The following PDE4D variants were observed in gnomAD, a reference collection of about 807,000 sequenced individuals.
PDE4D encodes 3',5'-cyclic-AMP phosphodiesterase 4D.
PDE4D carries 24 observed loss-of-function variants against 87.4 expected under a neutral mutation model. That is an observed-to-expected ratio of 0.27 (90% confidence interval 0.20 to 0.39). PDE4D has a LOEUF of 0.39. Ranked by LOEUF, PDE4D falls within the 10% of genes least tolerant of loss-of-function variation. The probability of loss-of-function intolerance (pLI) is 1.00; values close to 1 mark genes in which losing one functional copy is unlikely to be tolerated. For synonymous variants in PDE4D, 384 were observed against 383.2 expected, an observed-to-expected ratio of 1.00 and a Z score of -0.02; for missense variants, 714 against 1,041.0, an observed-to-expected ratio of 0.69 and a Z score of 4.32.
intron 1 of PDE4D, among the ~76,000 whole-genome samples, chr5:59,513,128 T>C (rs142710871): frequency 3.3e-3 from 496 of 152,268 alleles, no homozygotes; most frequent in African/African-American, 0.011. Flanking sequence ...TAATCAATGA[T>C]TGAATAGTGA....
intron 2 of PDE4D, among the ~76,000 whole-genome samples, chr5:60,132,995 T>C (rs1779717460): frequency 6.6e-6 from 1 of 152,220 alleles, no homozygotes; most frequent in African/African-American, 2.4e-5. Flanking sequence ...AACCATAGTG[T>C]AGTCCATTGC....
At chr5:59,963,788 CAG>C (rs1367329183) in intron 3 of PDE4D, among the ~76,000 whole-genome samples, 1 of 152,072 alleles carries the variant, frequency 6.6e-6, no homozygotes, top group African/African-American at 2.4e-5. Context: ...CAGCCCTATT[CAG>C]AGTGGGATGG....
chr5:60,055,352 A>C (rs1051577357), intron 2 of PDE4D, among the ~76,000 whole-genome samples: 1 of 152,058 alleles, frequency 6.6e-6, no homozygotes, highest in African/African-American at 2.4e-5. Flanking sequence ...AAGTGGGGTC[A>C]ATGTCTCTTA....
At chr5:59,632,976 C>T (rs1831761482) in intron 1 of PDE4D, among the ~76,000 whole-genome samples, 1 of 152,056 alleles carries the variant, frequency 6.6e-6, no homozygotes, top group Non-Finnish European at 1.5e-5. Context: ...TGCAAGGAAG[C>T]TAAGAACATT....
intron 2 of PDE4D, among the ~76,000 whole-genome samples, chr5:60,137,697 A>G (rs1183628664): frequency 6.6e-6 from 1 of 152,140 alleles, no homozygotes; most frequent in Non-Finnish European, 1.5e-5. Context: ...GACCTTTGTC[A>G]GCTGGATAGA....
chr5:60,113,599 A>T (rs1036036389), intron 2 of PDE4D, among the ~76,000 whole-genome samples: 21 of 151,942 alleles, frequency 1.4e-4, no homozygotes, highest in African/African-American at 4.6e-4. Flanking sequence ...ATGGTTACAG[A>T]CCCCCTGAGT....
chr5:59,893,258 T>C lies in PDE4D; in HGVS notation c.365A>G (p.Asp122Gly), dbSNP rs778288029. The stretch of plus-strand genomic sequence containing the variant: ...GGTCTCCACCGCGTAGGAGGTGCGG[T>C]CCATGGCGCGACAGTACAGGTAGCG... ...TERYLYCRAM[D>G]RTSYAVETGH... Residue 122 changes from aspartate to glycine, a missense_variant, in exon 1 of 15, where the codon GAC (aspartate) becomes GGC (glycine). Asp to Gly is a moderately conservative substitution (Grantham distance 94). Transcript: ENST00000340635. 1.3e-6 allele frequency: 2 copies of C among 1,552,804 alleles called. No homozygotes were observed. The highest frequency in any genetic ancestry group is 8.7e-7 in the Non-Finnish European group (1 of 1,147,980).
At chr5:60,295,743 A>G (rs1318515801) in intron 1 of PDE4D, among the ~76,000 whole-genome samples, 2 of 152,184 alleles carry the variant, frequency 1.3e-5, no homozygotes, top group Non-Finnish European at 2.9e-5. Flanking sequence ...AGCTAACATC[A>G]TCAGGCAGCT....
intron 1 of PDE4D, among the ~76,000 whole-genome samples, chr5:60,451,634 A>G (rs151114250): frequency 3.5e-4 from 53 of 152,210 alleles, no homozygotes; most frequent in Non-Finnish European, 6.8e-4. Context: ...GGATGTTGGA[A>G]CCACTCCATA....
intron 2 of PDE4D, among the ~76,000 whole-genome samples, chr5:60,174,384 G>A (rs1456019921): frequency 1.3e-5 from 2 of 152,056 alleles, no homozygotes; most frequent in Non-Finnish European, 2.9e-5. Flanking sequence ...TGACAGAAAG[G>A]ACTGGATGGT....
chr5:59,649,904 C>CTTGTTTTTTTTTTTT (rs1561402852), intron 1 of PDE4D, among the ~76,000 whole-genome samples: 2 of 73,960 alleles, frequency 2.7e-5, no homozygotes, highest in African/African-American at 1.0e-4. Flanking sequence ...AGTTTGTGAA[C>CTTGTTTTTTTTTTTT]CTTTTTTTTT....
At position 59,870,898 on chromosome 5, in the gene PDE4D, G is replaced by A. The variant is rs1747728873; in HGVS notation, c.455+22270C>T. Among the ~76,000 whole-genome samples the A allele has an allele frequency of 2.0e-5, 3 of 152,172 alleles. No homozygotes were observed. The South Asian group carries it at 6.2e-4, about 31-fold the overall frequency. On this transcript the variant is annotated intron_variant, in intron 1 of 14. Coordinates refer to ENST00000340635, the MANE Select transcript of PDE4D (RefSeq NM_001104631.2). Reference sequence around the variant, plus strand: ...AAAACTAATCCAAGTAAGAAGGCATGGGATGTGCAGTTGCCGCTTGTTTTG... The same window carrying A: ...AAAACTAATCCAAGTAAGAAGGCATAGGATGTGCAGTTGCCGCTTGTTTTG...
chr5:59,136,740 C>T (rs949882532), intron 5 of PDE4D, among the ~76,000 whole-genome samples: 3 of 152,114 alleles, frequency 2.0e-5, no homozygotes, highest in Non-Finnish European at 4.4e-5. Context: ...CAGGTAACAT[C>T]TATTTGCTAT....
rs563319897 is a variant in PDE4D, at chr5:59,762,146, A to ATG, written c.455+131020_455+131021dup. The stretch of plus-strand genomic sequence containing the variant: ...TATATGTAGGTATATAGATATATAT[A>ATG]TGTGTGTGTGTGTATATATAGGTAC... On this transcript the variant is annotated intron_variant, in intron 1 of 14. Coordinates refer to ENST00000340635, the MANE Select transcript of PDE4D (RefSeq NM_001104631.2). 5.6e-3 allele frequency among the ~76,000 whole-genome samples: 838 copies of ATG among 150,842 alleles called. 8 individuals carry two copies. Among genetic ancestry groups the ATG allele is most frequent in the African/African-American group, 0.019 (782 of 40,508 alleles).
chr5:60,130,997 C>T (rs1240916345), intron 2 of PDE4D, among the ~76,000 whole-genome samples: 1 of 152,100 alleles, frequency 6.6e-6, no homozygotes, highest in Non-Finnish European at 1.5e-5. Context: ...GTTAAGATTA[C>T]ATTTCCTTTT....
chr5:60,196,480 A>C (rs1197608346), intron 1 of PDE4D, among the ~76,000 whole-genome samples: 1 of 151,448 alleles, frequency 6.6e-6, no homozygotes, highest in East Asian at 1.9e-4. Flanking sequence ...CTAGCCATAC[A>C]CCCTCCCACT....
intron 1 of PDE4D, among the ~76,000 whole-genome samples, chr5:60,435,630 T>A (rs548666319): frequency 6.6e-6 from 1 of 152,062 alleles, no homozygotes; most frequent in African/African-American, 2.4e-5. Context: ...TCTTTCTATT[T>A]GCAACTTGAA....
At chr5:59,697,130 G>A (rs773512636) in intron 1 of PDE4D, among the ~76,000 whole-genome samples, 4 of 152,124 alleles carry the variant, frequency 2.6e-5, no homozygotes, top group Non-Finnish European at 5.9e-5. Context: ...GTAATTTGGG[G>A]TGAATCTAAA....
chr5:59,254,149 C>T (rs1210255473), intron 1 of PDE4D, among the ~76,000 whole-genome samples: 1 of 152,052 alleles, frequency 6.6e-6, no homozygotes, highest in Non-Finnish European at 1.5e-5. Context: ...TAAAGACTCC[C>T]TCTTCCAGTC....
Sources: allele counts gnomAD v4.1 joint callset (sites outside exome capture counted in the v4.1 genomes callset), GRCh38; gene constraint gnomAD v4.1.1; transcripts MANE v1.5; gene names NCBI Gene and HGNC (gene_info 2026-07-23, HGNC 2026-07-21).